The following LRRK2 variants were observed in gnomAD, a reference collection of about 807,000 sequenced individuals.
The protein encoded by LRRK2 is leucine-rich repeat serine/threonine-protein kinase 2.
A neutral mutation model predicts 302.6 loss-of-function variants in LRRK2; 203 were observed. The ratio of observed to expected loss-of-function variants is 0.67; its 90% CI spans 0.60 to 0.75. The LOEUF is 0.75. Among genes scored for constraint, LRRK2 ranks in the 30% least tolerant of loss-of-function variants. The probability of loss-of-function intolerance (pLI) is 0.00; values close to 1 mark genes in which losing one functional copy is unlikely to be tolerated. For synonymous variants in LRRK2, 1,066 were observed against 1,031.9 expected, an observed-to-expected ratio of 1.03 and a Z score of -0.63; for missense variants, 2,830 against 2,951.0, an observed-to-expected ratio of 0.96 and a Z score of 0.95.
intron 32 of LRRK2, 72 bp from the exon 33 acceptor site, chr12:40,315,140 A>T (rs1396482484): frequency 1.7e-5 from 21 of 1,254,638 alleles, no homozygotes; most frequent in Non-Finnish European, 2.3e-5. Flanking sequence ...AAGTTGGACT[A>T]GATTTTTTCT....
Position 40,321,184 on chromosome 12 carries a change from G to C in LRRK2, c.5166G>C (p.Gly1722=). 1 of 1,611,448 alleles carries C rather than the reference G, an allele frequency of 6.2e-7. No homozygotes were observed. Among genetic ancestry groups the C allele is most frequent in the Non-Finnish European group, 8.5e-7 (1 of 1,178,176 alleles). ...LLEISPYMLS[G]RERALRPNRM... The stretch of plus-strand genomic sequence containing the variant: ...AGATTTCACCTTACATGCTTTCAGG[G>C]AGAGGTAAGTATCTAATGAAGACTT... The change falls in exon 35 of 51, where the codon GGG becomes GGC. Residue 1722 remains glycine, a synonymous_variant. Coordinates refer to ENST00000298910, the MANE Select transcript of LRRK2 (RefSeq NM_198578.4).
chr12:40,327,757 G>C (rs985788055), intron 38 of LRRK2, among the ~76,000 whole-genome samples: 1 of 152,202 alleles, frequency 6.6e-6, no homozygotes, highest in African/African-American at 2.4e-5. Flanking sequence ...CACCAAATGG[G>C]TGTGGTGGTA....
chr12:40,287,242 T>C (rs1943962407), intron 19 of LRRK2, 109 bp from the exon 20 acceptor site: 1 of 962,158 alleles, frequency 1.0e-6, no homozygotes, highest in South Asian at 1.4e-5. Context: ...AAAGGAAAAA[T>C]AGAAATATTC....
chr12:40,309,977 G>T (rs1944981264), intron 30 of LRRK2, among the ~76,000 whole-genome samples: 1 of 152,102 alleles, frequency 6.6e-6, no homozygotes, highest in Non-Finnish European at 1.5e-5. Flanking sequence ...TGCTTGAGTG[G>T]CTTTTATTCT....
At chr12:40,347,956 T>TAA (rs35847030) in intron 42 of LRRK2, among the ~76,000 whole-genome samples, 76,016 of 150,710 alleles carry the variant, frequency 0.5, 19,177 homozygotes, top group South Asian at 0.59. Flanking sequence ...GACTCCATCT[T>TAA]AAAAAAAAAA....
At chr12:40,302,743 T>A (rs1206965521) in intron 25 of LRRK2, 46 bp from the exon 26 acceptor site, 1 of 1,293,460 alleles carries the variant, frequency 7.7e-7, no homozygotes, top group Non-Finnish European at 1.1e-6. Flanking sequence ...TTAATGGAAA[T>A]CTGGTTAAAA....
At chr12:40,301,351 G>A (rs1389037393) in intron 25 of LRRK2, among the ~76,000 whole-genome samples, 1 of 152,100 alleles carries the variant, frequency 6.6e-6, no homozygotes, top group African/African-American at 2.4e-5. Context: ...TTGAACCAGG[G>A]AGTCAGAGGT....
chr12:40,259,092 A>C (rs1237732011), intron 12 of LRRK2, among the ~76,000 whole-genome samples: 1 of 152,224 alleles, frequency 6.6e-6, no homozygotes, highest in Non-Finnish European at 1.5e-5. Context: ...GGGGTCAGAC[A>C]AGTTTGGGTA....
At chr12:40,299,327 C>A in intron 25 of LRRK2, 70 bp downstream of exon 25, 1 of 1,511,460 alleles carries the variant, frequency 6.6e-7, no homozygotes, top group South Asian at 1.1e-5. Flanking sequence ...ATATATGGAC[C>A]CTTTAGTTGT....
intron 41 of LRRK2, among the ~76,000 whole-genome samples, chr12:40,342,918 C>CG (rs1320053670): frequency 3.0e-4 from 46 of 152,128 alleles, no homozygotes; most frequent in Non-Finnish European, 5.4e-4. Flanking sequence ...ATGTGCTGGG[C>CG]TTGTGCTTAG....
rs932853617 is a variant in LRRK2, at chr12:40,298,562, T to C, written c.3347+69T>C. On this transcript the variant is annotated intron_variant, in intron 24 of 50. Coordinates refer to ENST00000298910, the MANE Select transcript of LRRK2 (RefSeq NM_198578.4). ...CTGATGTTAACAAAATATGCTGACA[T>C]TTTTATAGCAATGAGTTTTAACAAC... is the stretch of plus-strand genomic sequence containing the variant. The C allele has an allele frequency of 1.5e-5, 23 of 1,569,242 alleles. No individual in the cohort carries two copies. The African/African-American group carries it at 2.6e-4, about 18-fold the overall frequency.
intron 42 of LRRK2, among the ~76,000 whole-genome samples, chr12:40,347,914 G>A (rs140027990): frequency 0.012 from 1,763 of 151,854 alleles, 39 homozygotes; most frequent in African/African-American, 0.041. Flanking sequence ...CCGAGATTGC[G>A]CCACTGCACT....
At chr12:40,304,969 T>C (rs567414955) in intron 27 of LRRK2, 1 of 152,186 alleles carries the variant, frequency 6.6e-6, no homozygotes, top group Admixed American at 6.5e-5. Context: ...AAATAAACCA[T>C]TTTTCTCAAG....
chr12:40,342,102 G>A (rs927747814), intron 41 of LRRK2, among the ~76,000 whole-genome samples: 2 of 152,192 alleles, frequency 1.3e-5, no homozygotes, highest in African/African-American at 4.8e-5. Flanking sequence ...TTCATGGGGT[G>A]AAAATCTGTT....
intron 6 of LRRK2, among the ~76,000 whole-genome samples, chr12:40,242,417 A>G (rs1941771916): frequency 6.6e-6 from 1 of 151,880 alleles, no homozygotes; most frequent in South Asian, 2.1e-4. Flanking sequence ...CACTTCCTTT[A>G]TTGATTAATT....
At chr12:40,308,781 T>C (rs1944924621) in intron 29 of LRRK2, 85 bp downstream of exon 29, 2 of 1,222,806 alleles carry the variant, frequency 1.6e-6, no homozygotes, top group South Asian at 1.3e-5. Flanking sequence ...TGTTCTAATA[T>C]CCAGAAACCT....
intron 20 of LRRK2, among the ~76,000 whole-genome samples, chr12:40,288,429 C>T (rs1311194132): frequency 6.6e-6 from 1 of 151,814 alleles, no homozygotes; most frequent in Non-Finnish European, 1.5e-5. Context: ...CCCTGGCCCC[C>T]CTGACCCTTA....
Position 40,314,824 on chromosome 12 carries a change from T to C in LRRK2, c.4739-388T>C, listed in dbSNP as rs1592276331. On this transcript the variant is annotated intron_variant, in intron 32 of 50. Coordinates refer to ENST00000298910, the MANE Select transcript of LRRK2 (RefSeq NM_198578.4). ...AAATAGCTTCCCGTGGTTTATGATC[T>C]GTTCCTTTTCCCCATCGTTCTTAAG... Among the ~76,000 whole-genome samples, 3 of 152,170 alleles carry C rather than the reference T, an allele frequency of 2.0e-5. No homozygotes were observed. The South Asian group carries it at 6.2e-4, about 32-fold the overall frequency.
At chr12:40,317,378 T>G (rs969472961) in intron 33 of LRRK2, among the ~76,000 whole-genome samples, 1 of 152,064 alleles carries the variant, frequency 6.6e-6, no homozygotes, top group Non-Finnish European at 1.5e-5. Flanking sequence ...AATAATCAAG[T>G]GAAACCAAGA....
Sources: allele counts gnomAD v4.1 joint callset (sites outside exome capture counted in the v4.1 genomes callset), GRCh38; gene constraint gnomAD v4.1.1; transcripts MANE v1.5; gene names NCBI Gene and HGNC (gene_info 2026-07-23, HGNC 2026-07-21).